MACROD2: variants seen among roughly 807,000 people sequenced by gnomAD.
MACROD2 encodes mono-ADP ribosylhydrolase 2.
In MACROD2, 36 loss-of-function variants were observed where a neutral mutation model predicts 70.4. The ratio of observed to expected loss-of-function variants is 0.51; its 90% CI spans 0.39 to 0.68. The LOEUF is 0.68. Among genes scored for constraint, MACROD2 ranks in the 30% least tolerant of loss-of-function variants. The pLI is 0.00. For missense variants in MACROD2, 496 were observed against 538.4 expected (o/e 0.92, Z 0.78); for synonymous variants, 172 against 178.8 (o/e 0.96, Z 0.30).
chr20:14,028,240 A>G (rs1036790927), intron 2 of MACROD2, among the ~76,000 whole-genome samples: 2 of 152,170 alleles, frequency 1.3e-5, no homozygotes, highest in Non-Finnish European at 2.9e-5. Context: ...CTCAAGCCTC[A>G]GTAATGGCAG....
chr20:14,764,751 T>G (rs374202896), intron 5 of MACROD2, among the ~76,000 whole-genome samples: 1 of 152,092 alleles, frequency 6.6e-6, no homozygotes, highest in Non-Finnish European at 1.5e-5. Context: ...GAGTTCAGAA[T>G]CTATGAATGT....
intron 5 of MACROD2, among the ~76,000 whole-genome samples, chr20:15,126,047 T>C (rs1309938417): frequency 6.6e-6 from 1 of 151,392 alleles, no homozygotes; most frequent in African/African-American, 2.4e-5. Context: ...AAATATTCCA[T>C]AGTATGGATA....
intron 8 of MACROD2, among the ~76,000 whole-genome samples, chr20:15,520,810 C>G (rs1250593650): frequency 6.6e-6 from 1 of 152,234 alleles, no homozygotes; most frequent in East Asian, 1.9e-4. Context: ...ACTTGTTTCT[C>G]TGACAGAATC....
At chr20:15,855,678 A>G (rs74720941) in intron 8 of MACROD2, among the ~76,000 whole-genome samples, 3,759 of 152,144 alleles carry the variant, frequency 0.025, 144 homozygotes, top group African/African-American at 0.084. Flanking sequence ...CTTTGCACCA[A>G]CCCTCCACCC....
rs922598067 is a variant in MACROD2 at position 14,330,140 on chromosome 20, C to T, written c.272-163339C>T. ...CATCAAAACCAGGTGGGGCATTTCT[C>T]TCTAGGTTCATACATGAATATTGCC... On this transcript the variant is annotated intron_variant, in intron 3 of 17. Coordinates refer to ENST00000684519, the MANE Select transcript of MACROD2 (RefSeq NM_001351661.2). Among the ~76,000 whole-genome samples the T allele has an allele frequency of 2.6e-5, 4 of 152,014 alleles. No individual in the cohort carries two copies. In the East Asian group the frequency reaches 5.8e-4, roughly 22 times the overall value.
intron 5 of MACROD2, among the ~76,000 whole-genome samples, chr20:14,832,040 T>G (rs2072974880): frequency 8.3e-6 from 1 of 119,856 alleles, no homozygotes; most frequent in South Asian, 2.9e-4. Context: ...GCGAGTTTTT[T>G]TTTTTTTTTT....
At chr20:14,667,283 C>A (rs2070745964) in intron 4 of MACROD2, among the ~76,000 whole-genome samples, 1 of 152,058 alleles carries the variant, frequency 6.6e-6, no homozygotes, top group South Asian at 2.1e-4. Context: ...CTGTATAAAT[C>A]TTGATGTCTC....
At chr20:14,903,144 C>T (rs544031742) in intron 5 of MACROD2, among the ~76,000 whole-genome samples, 137 of 147,824 alleles carry the variant, frequency 9.3e-4, no homozygotes, top group African/African-American at 3.2e-3. Context: ...CGGATTCAAG[C>T]GATTCGCCTG....
intron 5 of MACROD2, among the ~76,000 whole-genome samples, chr20:14,707,724 G>T (rs1341500255): frequency 1.3e-5 from 2 of 152,080 alleles, no homozygotes; most frequent in African/African-American, 2.4e-5. Context: ...TAGGGAAGGC[G>T]CCCATCACAA....
chr20:14,350,394 T>C (rs78859098), intron 3 of MACROD2, among the ~76,000 whole-genome samples: 105 of 152,236 alleles, frequency 6.9e-4, no homozygotes, highest in Non-Finnish European at 1.2e-3. Flanking sequence ...CAGCATTTAT[T>C]ATTGCCTGTC....
chr20:14,277,548 T>G (rs1437273258), intron 3 of MACROD2, among the ~76,000 whole-genome samples: 5 of 152,202 alleles, frequency 3.3e-5, no homozygotes, highest in African/African-American at 1.2e-4. Flanking sequence ...TTGAATAGCT[T>G]AAATAAAAAA....
At chr20:15,439,219 C>T (rs1249629141) in intron 7 of MACROD2, among the ~76,000 whole-genome samples, 1 of 152,142 alleles carries the variant, frequency 6.6e-6, no homozygotes, top group Non-Finnish European at 1.5e-5. Context: ...GTACCCCAGA[C>T]CCAGCCCATC....
intron 7 of MACROD2, among the ~76,000 whole-genome samples, chr20:15,453,553 A>G (rs16995774): frequency 6.6e-6 from 1 of 152,234 alleles, no homozygotes; most frequent in East Asian, 1.9e-4. Flanking sequence ...TTGTGCCTGA[A>G]ATCTTATGTG....
At chr20:15,415,693 C>T (rs1600379872) in intron 6 of MACROD2, among the ~76,000 whole-genome samples, 1 of 152,168 alleles carries the variant, frequency 6.6e-6, no homozygotes, top group Admixed American at 6.5e-5. Flanking sequence ...GAACTAGTGG[C>T]GGCTAAAAGT....
chr20:14,465,156 A>T (rs373424384), intron 3 of MACROD2, among the ~76,000 whole-genome samples: 1 of 151,818 alleles, frequency 6.6e-6, no homozygotes, highest in African/African-American at 2.4e-5. Flanking sequence ...CCCATTATTA[A>T]TGTGTGGGAG....
chr20:14,921,030 T>G (rs1028572667), intron 5 of MACROD2, among the ~76,000 whole-genome samples: 5 of 152,180 alleles, frequency 3.3e-5, no homozygotes, highest in African/African-American at 1.2e-4. Context: ...TGGAATCCAA[T>G]TTTTGAAGAA....
chr20:14,275,848 A>G (rs932414657), intron 3 of MACROD2, among the ~76,000 whole-genome samples: 4 of 152,234 alleles, frequency 2.6e-5, no homozygotes, highest in African/African-American at 9.6e-5. Context: ...AAAAGAAGAC[A>G]TTTATGCAGC....
intron 5 of MACROD2, among the ~76,000 whole-genome samples, chr20:15,114,216 C>T (rs2075976311): frequency 6.6e-6 from 1 of 152,216 alleles, no homozygotes; most frequent in South Asian, 2.1e-4. Flanking sequence ...GGTAGACACA[C>T]CGTAACCTGA....
At chr20:14,465,248 G>A (rs957021964) in intron 3 of MACROD2, among the ~76,000 whole-genome samples, 2 of 152,084 alleles carry the variant, frequency 1.3e-5, no homozygotes, top group African/African-American at 4.8e-5. Flanking sequence ...ATTTAGGATA[G>A]TTAGTTCTTC....
Sources: allele counts gnomAD v4.1 joint callset (sites outside exome capture counted in the v4.1 genomes callset), GRCh38; gene constraint gnomAD v4.1.1; transcripts MANE v1.5; gene names NCBI Gene and HGNC (gene_info 2026-07-23, HGNC 2026-07-21).